The following IGF2BP3 variants were observed in gnomAD, a reference collection of about 807,000 sequenced individuals.
The protein encoded by IGF2BP3 is insulin like growth factor 2 mRNA binding protein 3.
Under a neutral mutation model 73.8 loss-of-function variants are expected in IGF2BP3, and 9 were observed. The observed-to-expected ratio is 0.12, with a 90% CI of 0.07 to 0.21. The LOEUF is 0.21. Ranked by LOEUF, IGF2BP3 falls within the 10% of genes least tolerant of loss-of-function variation. The pLI is 1.00. For synonymous variants in IGF2BP3, 258 were observed against 256.7 expected (o/e 1.01, Z -0.05); for missense variants, 542 against 714.0 (o/e 0.76, Z 2.75).
At chr7:23,442,283 C>T (rs919570713) in intron 2 of IGF2BP3, among the ~76,000 whole-genome samples, 2 of 152,200 alleles carry the variant, frequency 1.3e-5, no homozygotes, top group Non-Finnish European at 2.9e-5. Flanking sequence ...GGAAATCAAA[C>T]TGCAAACATC....
At chr7:23,449,747 C>T (rs1788154110) in intron 2 of IGF2BP3, among the ~76,000 whole-genome samples, 1 of 151,358 alleles carries the variant, frequency 6.6e-6, no homozygotes, top group Admixed American at 6.6e-5. Context: ...TTAGTAGAGA[C>T]GGGGGTGGTT....
chr7:23,441,294 A>C (rs1479915583), intron 2 of IGF2BP3, among the ~76,000 whole-genome samples: 1 of 152,036 alleles, frequency 6.6e-6, no homozygotes, highest in Admixed American at 6.6e-5. Flanking sequence ...ATATGTTAAG[A>C]CCAGGCACGG....
intron 3 of IGF2BP3, among the ~76,000 whole-genome samples, chr7:23,364,206 T>G (rs1334302783): frequency 6.6e-6 from 1 of 151,758 alleles, no homozygotes; most frequent in Non-Finnish European, 1.5e-5. Flanking sequence ...AAGCCCCGTC[T>G]CTACTAAAAA....
chr7:23,350,274 C>T lies in IGF2BP3; in HGVS notation c.683+1031G>A, dbSNP rs115149207. On this transcript the variant is annotated intron_variant, in intron 6 of 14. Coordinates refer to ENST00000258729, the MANE Select transcript of IGF2BP3 (RefSeq NM_006547.3). ...TTTTAGAGAAAGATTAAGCTTATTT[C>T]GTTGGATCACACTGAAAAAAAAGAA... 3.5e-3 allele frequency among the ~76,000 whole-genome samples: 533 copies of T among 151,730 alleles called. 3 individuals are homozygous for T. The highest frequency in any genetic ancestry group is 0.012 in the African/African-American group (509 of 41,068).
intron 10 of IGF2BP3, among the ~76,000 whole-genome samples, chr7:23,335,668 CTA>C (rs1382543337): frequency 2.0e-5 from 3 of 152,160 alleles, no homozygotes; most frequent in Admixed American, 6.5e-5. Flanking sequence ...TAAGATTACA[CTA>C]TCATTTTGGA....
chr7:23,358,286 A>C (rs1173986562), intron 5 of IGF2BP3, among the ~76,000 whole-genome samples: 1 of 152,214 alleles, frequency 6.6e-6, no homozygotes, highest in Non-Finnish European at 1.5e-5. Context: ...CAAGTACATC[A>C]AGGTCACATA....
chr7:23,429,539 A>G (rs1050201893), intron 2 of IGF2BP3, among the ~76,000 whole-genome samples: 1 of 152,190 alleles, frequency 6.6e-6, no homozygotes, highest in Non-Finnish European at 1.5e-5. Flanking sequence ...ACCATACCAA[A>G]TAACTTCACA....
At chr7:23,453,605 G>A (rs1294076275) in intron 2 of IGF2BP3, among the ~76,000 whole-genome samples, 2 of 152,254 alleles carry the variant, frequency 1.3e-5, no homozygotes, top group East Asian at 1.9e-4. Flanking sequence ...GGACTGGGTT[G>A]TTTTCCATAA....
At chr7:23,314,794 G>C (rs156418) in intron 12 of IGF2BP3, among the ~76,000 whole-genome samples, 1 of 152,030 alleles carries the variant, frequency 6.6e-6, no homozygotes, top group Non-Finnish European at 1.5e-5. Context: ...CAACATCAAG[G>C]TAAGACACTT....
rs1035975848 is a variant in IGF2BP3, at chr7:23,469,330, C to T, written c.175+606G>A. ...CCAGGCGACCAGCCGCCCCCGCCCA[C>T]CTGCCCCTATCGCTCGTCGGACCAG... On this transcript the variant is annotated intron_variant, in intron 1 of 14. Coordinates refer to ENST00000258729, the MANE Select transcript of IGF2BP3 (RefSeq NM_006547.3). This position sits in a 1 kb window ranked among gnomAD's most constrained non-coding sequence, Gnocchi z 6.1. The T allele has an allele frequency of 2.6e-5, 4 of 152,204 alleles. No homozygotes were observed. Among genetic ancestry groups the T allele is most frequent in the Admixed American group, 6.5e-5 (1 of 15,286 alleles). 9.4% of individuals were successfully genotyped at this position (152,204 alleles called of 1,614,324 possible).
intron 3 of IGF2BP3, among the ~76,000 whole-genome samples, chr7:23,407,886 TA>T (rs1786886938): frequency 8.0e-6 from 1 of 124,292 alleles, no homozygotes; most frequent in Admixed American, 1.1e-4. Context: ...AAGAATAAAA[TA>T]CCACAATAAA....
chr7:23,324,790 C>A (rs1784249124), intron 10 of IGF2BP3, among the ~76,000 whole-genome samples: 1 of 117,576 alleles, frequency 8.5e-6, no homozygotes. Flanking sequence ...TAAATGTAAT[C>A]CAGCATATAA....
At chr7:23,401,917 GACCAGCCTGGCCA>G (rs1786678861) in intron 3 of IGF2BP3, among the ~76,000 whole-genome samples, 1 of 152,096 alleles carries the variant, frequency 6.6e-6, no homozygotes, top group Non-Finnish European at 1.5e-5. Flanking sequence ...AGGAATTCAA[GACCAGCCTGGCCA>G]ACATGGCAAA....
intron 1 of IGF2BP3, 141 bp from the exon 2 acceptor site, chr7:23,468,683 G>A: frequency 1.2e-6 from 1 of 802,942 alleles, no homozygotes; most frequent in Non-Finnish European, 2.1e-6. Context: ...GCTCCAGGCG[G>A]AGGGAGAAGC....
chr7:23,442,842 T>G (rs1457514218), intron 2 of IGF2BP3, among the ~76,000 whole-genome samples: 1 of 152,182 alleles, frequency 6.6e-6, no homozygotes, highest in Non-Finnish European at 1.5e-5. Flanking sequence ...TTTACTAAAA[T>G]GTCCATCTAG....
intron 10 of IGF2BP3, among the ~76,000 whole-genome samples, chr7:23,326,473 T>C (rs1433138039): frequency 6.6e-6 from 1 of 151,650 alleles, no homozygotes; most frequent in Non-Finnish European, 1.5e-5. Flanking sequence ...TTGGTGGGAC[T>C]GTAAACTAGT....
intron 2 of IGF2BP3, among the ~76,000 whole-genome samples, chr7:23,438,945 A>T (rs1164941874): frequency 6.6e-6 from 1 of 152,192 alleles, no homozygotes; most frequent in African/African-American, 2.4e-5. Context: ...ATTTCAATTT[A>T]AAAAGTTACA....
chr7:23,312,341 G>A lies in IGF2BP3; in HGVS notation c.*21C>T. On this transcript the variant is annotated 3_prime_UTR_variant, in exon 15 of 15. Transcript: ENST00000258729. ...TCTTTGGTTTGGCATCTGCCTCTGTGGTGGGCTGTTTCCTGAGCCTTTACT... is the reference window on the plus strand; with the variant it reads ...TCTTTGGTTTGGCATCTGCCTCTGTAGTGGGCTGTTTCCTGAGCCTTTACT... The A allele has an allele frequency of 6.4e-7, 1 of 1,554,024 alleles. No individual in the cohort carries two copies. Among genetic ancestry groups the A allele is most frequent in the South Asian group, 1.1e-5 (1 of 89,890 alleles).
intron 2 of IGF2BP3, among the ~76,000 whole-genome samples, chr7:23,451,591 T>C (rs1263431182): frequency 2.4e-4 from 36 of 151,442 alleles, no homozygotes; most frequent in Admixed American, 2.2e-3. Context: ...CTAACCTCCA[T>C]CTCAAAAACA....
Sources: gnomAD v4.1 joint callset for allele counts (sites outside exome capture counted in the v4.1 genomes callset) on GRCh38, gnomAD v4.1.1 for gene constraint, Gnocchi (gnomAD v3.1) non-coding constraint, MANE v1.5 for transcripts, NCBI Gene and HGNC (gene_info 2026-07-23, HGNC 2026-07-21) for gene names.